TMEM236: variants seen among roughly 807,000 people sequenced by gnomAD.
TMEM236 encodes the protein transmembrane protein 236.
TMEM236 carries 11 observed loss-of-function variants against 14.7 expected under a neutral mutation model. The ratio of observed to expected loss-of-function variants is 0.75; its 90% CI spans 0.47 to 1.24. The LOEUF (loss-of-function observed/expected upper bound fraction) is 1.24. TMEM236 is among the 50% of genes most tolerant of loss of function. TMEM236 has a pLI of 0.00. For missense variants in TMEM236, 464 were observed against 427.3 expected (o/e 1.09, Z -0.76); for synonymous variants, 182 against 168.6 (o/e 1.08, Z -0.62).
chr10:17,772,527 C>T (rs977137747), intron 2 of TMEM236, among the ~76,000 whole-genome samples: 1,712 of 152,278 alleles, frequency 0.011, 27 homozygotes, highest in African/African-American at 0.026. Context: ...ATCTGGAGCT[C>T]GATAGCCCTT....
chr10:17,777,182 C>T (rs1456332196), intron 3 of TMEM236, among the ~76,000 whole-genome samples: 5 of 152,144 alleles, frequency 3.3e-5, no homozygotes, highest in African/African-American at 1.2e-4. Context: ...GAAAGCAAAA[C>T]TGAGGTGGAG....
In TMEM236 at chr10:17,798,911, T is replaced by C; in HGVS notation, c.*2407T>C. On this transcript the variant is annotated 3_prime_UTR_variant, in exon 4 of 4. Transcript: ENST00000377495. ...AAGTATCTCAATGCAGTTTTAGAAA[T>C]TTCCTGTTTTATTCTTTTCTGTGGC... The C allele has an allele frequency of 2.9e-6, 1 of 341,006 alleles. No homozygotes were observed. Among genetic ancestry groups the C allele is most frequent in the Non-Finnish European group, 5.7e-6 (1 of 174,248 alleles). 21.1% of individuals were successfully genotyped at this position (341,006 alleles called of 1,614,324 possible).
intron 1 of TMEM236, among the ~76,000 whole-genome samples, chr10:17,764,473 G>T (rs1334887814): frequency 6.6e-6 from 1 of 152,172 alleles, no homozygotes; most frequent in African/African-American, 2.4e-5. Flanking sequence ...GTCTTTCAAA[G>T]AAGTGTCTGT....
At chr10:17,774,157 C>T (rs1426707551) in intron 2 of TMEM236, among the ~76,000 whole-genome samples, 1 of 152,068 alleles carries the variant, frequency 6.6e-6, no homozygotes, top group Non-Finnish European at 1.5e-5. Context: ...TGATTCTCAC[C>T]TCTCAGCCTC....
At chr10:17,793,029 C>CA (rs1589153878) in intron 3 of TMEM236, among the ~76,000 whole-genome samples, 1 of 152,254 alleles carries the variant, frequency 6.6e-6, no homozygotes, top group African/African-American at 2.4e-5. Context: ...TCTGGGAGGC[C>CA]ATCAAAGCTT....
Position 17,765,898 on chromosome 10 carries a change from C to T in TMEM236, c.258-5411C>T, listed in dbSNP as rs966108248. Reference sequence around the variant, plus strand: ...TTTTTCCCTTTTCTGAAAGATAACACATTTGCAGCCAAATAGCTCCATCAA... The same window carrying T: ...TTTTTCCCTTTTCTGAAAGATAACATATTTGCAGCCAAATAGCTCCATCAA... On this transcript the variant is annotated intron_variant, in intron 1 of 3. Coordinates refer to ENST00000377495, the MANE Select transcript of TMEM236 (RefSeq NM_001098844.3). Among the ~76,000 whole-genome samples the T allele has an allele frequency of 3.3e-5, 5 of 152,284 alleles. No homozygotes were observed. In the South Asian group the frequency reaches 1.0e-3, roughly 32 times the overall value.
intron 1 of TMEM236, among the ~76,000 whole-genome samples, chr10:17,770,118 A>T (rs1554834658): frequency 2.6e-5 from 4 of 152,184 alleles, no homozygotes. Flanking sequence ...TAATTCGTTT[A>T]GGATAGTGGC....
At chr10:17,780,378 GA>G (rs1160977754) in intron 3 of TMEM236, among the ~76,000 whole-genome samples, 7 of 152,086 alleles carry the variant, frequency 4.6e-5, no homozygotes, top group Admixed American at 4.6e-4. Context: ...TGATTAGAGA[GA>G]GAGTTTTCAG....
chr10:17,770,824 GT>G (rs1212707544), intron 1 of TMEM236, among the ~76,000 whole-genome samples: 1 of 150,534 alleles, frequency 6.6e-6, no homozygotes, highest in Non-Finnish European at 1.5e-5. Context: ...TGTGTGTATG[GT>G]TTTTTTTGGT....
Position 17,795,459 on chromosome 10 carries a change from G to T in TMEM236, c.473-462G>T, listed in dbSNP as rs1009351929. Reference sequence around the variant, plus strand: ...ATGAGATAATATGTGAAAGCGTATAGCTTAGAAACCAATAATGTTTGTTAT... The same window carrying T: ...ATGAGATAATATGTGAAAGCGTATATCTTAGAAACCAATAATGTTTGTTAT... On this transcript the variant is annotated intron_variant, in intron 3 of 3. Coordinates refer to ENST00000377495, the MANE Select transcript of TMEM236 (RefSeq NM_001098844.3). 1.3e-5 allele frequency among the ~76,000 whole-genome samples: 2 copies of T among 152,066 alleles called. 1 individual carries two copies. The highest frequency in any genetic ancestry group is 4.8e-5 in the African/African-American group (2 of 41,324).
chr10:17,760,477 C>T (rs1837346622), intron 1 of TMEM236, among the ~76,000 whole-genome samples: 1 of 152,010 alleles, frequency 6.6e-6, no homozygotes, highest in South Asian at 2.1e-4. Flanking sequence ...TATCATTAGT[C>T]TTTTAATTTT....
Position 17,752,271 on chromosome 10 carries a change from T to G in TMEM236, c.-25T>G. On this transcript the variant is annotated 5_prime_UTR_variant, in exon 1 of 4. Coordinates refer to ENST00000377495, the MANE Select transcript of TMEM236 (RefSeq NM_001098844.3). ...CACAGTCAAAGAGGGAGTCCCAGGT[T>G]CTTGGCAGCTTGCTTTTCCTCAGGA... The G allele has an allele frequency of 1.2e-6, 2 of 1,613,960 alleles. No individual in the cohort carries two copies. The highest frequency in any genetic ancestry group is 1.7e-6 in the Non-Finnish European group (2 of 1,179,856).
intron 1 of TMEM236, among the ~76,000 whole-genome samples, chr10:17,758,328 C>T (rs2131740221): frequency 6.6e-6 from 1 of 152,210 alleles, no homozygotes; most frequent in Middle Eastern, 3.4e-3. Flanking sequence ...GAGAGCTTCC[C>T]TGAAGGTCCA....
At chr10:17,773,816 A>G (rs1308173416) in intron 2 of TMEM236, among the ~76,000 whole-genome samples, 9 of 152,220 alleles carry the variant, frequency 5.9e-5, no homozygotes, top group African/African-American at 2.2e-4. Flanking sequence ...TATTCAGATT[A>G]TACAAGCCTT....
chr10:17,792,811 A>G (rs1356565020), intron 3 of TMEM236, among the ~76,000 whole-genome samples: 2 of 152,184 alleles, frequency 1.3e-5, no homozygotes, highest in Non-Finnish European at 2.9e-5. Flanking sequence ...GTTTTACCCA[A>G]ACAGAACAAA....
intron 3 of TMEM236, among the ~76,000 whole-genome samples, chr10:17,784,398 T>G (rs1023080193): frequency 3.9e-5 from 6 of 152,304 alleles, no homozygotes; most frequent in East Asian, 1.9e-4. Context: ...GCTTTAAAAA[T>G]ATCAGTGCCA....
chr10:17,752,861 C>G (rs1159485389), intron 1 of TMEM236, among the ~76,000 whole-genome samples: 1 of 152,170 alleles, frequency 6.6e-6, no homozygotes, highest in Non-Finnish European at 1.5e-5. Flanking sequence ...GCCACAATGC[C>G]CGGCCTGTAG....
chr10:17,752,622 A>G, intron 1 of TMEM236, 70 bp downstream of exon 1: 1 of 1,502,416 alleles, frequency 6.7e-7, no homozygotes, highest in Non-Finnish European at 9.2e-7. Flanking sequence ...GCTGGAGTGC[A>G]GTAGGGCAGT....
chr10:17,782,328 A>T (rs1242133212), intron 3 of TMEM236, among the ~76,000 whole-genome samples: 1 of 152,218 alleles, frequency 6.6e-6, no homozygotes, highest in African/African-American at 2.4e-5. Flanking sequence ...TAACCCTACA[A>T]ACTAGAAATT....
Sources: gnomAD v4.1 joint callset for allele counts (sites outside exome capture counted in the v4.1 genomes callset) on GRCh38, gnomAD v4.1.1 for gene constraint, MANE v1.5 for transcripts, NCBI Gene and HGNC (gene_info 2026-07-23, HGNC 2026-07-21) for gene names.